Variants in CFAP70 observed in about 807,000 individuals in gnomAD.
CFAP70 encodes cilia and flagella associated protein 70.
A neutral mutation model predicts 137.6 loss-of-function variants in CFAP70; 81 were observed. That is an observed-to-expected ratio of 0.59 (90% confidence interval 0.49 to 0.71). CFAP70 has a LOEUF of 0.71. Ranked by LOEUF, CFAP70 falls within the 30% of genes least tolerant of loss-of-function variation. CFAP70 has a pLI of 0.00. For synonymous variants in CFAP70, 382 were observed against 423.6 expected (o/e 0.90, Z 1.20); for missense variants, 976 against 1,226.7 (o/e 0.80, Z 3.05).
intron 12 of CFAP70, among the ~76,000 whole-genome samples, chr10:73,307,067 TAAC>T (rs1225321746): frequency 6.6e-6 from 1 of 152,128 alleles, no homozygotes; most frequent in Non-Finnish European, 1.5e-5. Flanking sequence ...TCTGTGACAA[TAAC>T]AATGTAACGG....
intron 26 of CFAP70, 36 bp downstream of exon 27, chr10:73,256,333 T>C (rs1564734939): frequency 6.2e-7 from 1 of 1,613,098 alleles, no homozygotes; most frequent in Non-Finnish European, 8.5e-7. Flanking sequence ...ACCCTTAACA[T>C]GGGGCAGGCA....
intron 23 of CFAP70, 93 bp downstream of exon 24, chr10:73,274,340 A>G: frequency 7.5e-7 from 1 of 1,340,562 alleles, no homozygotes; most frequent in Non-Finnish European, 1.0e-6. Flanking sequence ...TCATTATTAT[A>G]TTACTAGTTT....
At chr10:73,291,191 A>G in intron 19 of CFAP70, 35 bp downstream of exon 20, 1 of 1,597,452 alleles carries the variant, frequency 6.3e-7, no homozygotes, top group Non-Finnish European at 8.6e-7. Flanking sequence ...TAATTTTTCT[A>G]ATAGCCACTC....
At position 73,353,546 on chromosome 10, in the gene CFAP70, A is replaced by G. The variant is rs1301628601; in HGVS notation, c.250+10T>C. On this transcript the variant is annotated intron_variant, in intron 3 of 26. Transcript: ENST00000310715. ...TCGGGACATTGATTTTTAGAACCAC[A>G]AGGACTTACAGAACACAGGTTTGTG... is the stretch of plus-strand genomic sequence containing the variant. 6.2e-7 allele frequency: 1 copy of G among 1,610,274 alleles called. No individual in the cohort carries two copies.
chr10:73,291,653 G>C (rs984714689), exon 18 of CFAP70: 2 of 1,613,186 alleles, frequency 1.2e-6, no homozygotes, highest in Admixed American at 3.3e-5. Context: ...GTAAAGTCCA[G>C]GCTACAACAT....
rs540331292 is a variant in CFAP70, at chr10:73,262,532, G to T, written c.3028-6116C>A. On this transcript the variant is annotated intron_variant, in intron 25 of 26. Coordinates refer to ENST00000310715, the Ensembl canonical transcript of CFAP70. ...AGGTGAAAGCTCTTGACTTAATCAG[G>T]AAAGAAAAAAAATGTATGCTGAGGT... Among the ~76,000 whole-genome samples, 22 of 151,748 alleles carry T rather than the reference G, an allele frequency of 1.4e-4. 1 individual carries two copies. In the South Asian group the frequency reaches 4.6e-3, roughly 32 times the overall value.
At chr10:73,256,738 A>G (rs1277207085) in intron 25 of CFAP70, among the ~76,000 whole-genome samples, 1 of 151,690 alleles carries the variant, frequency 6.6e-6, no homozygotes, top group Non-Finnish European at 1.5e-5. Context: ...CCCGTCTCTA[A>G]TAAAAATACA....
intron 6 of CFAP70, 115 bp downstream of exon 7, chr10:73,341,284 C>T: frequency 3.3e-6 from 3 of 896,008 alleles, no homozygotes; most frequent in Non-Finnish European, 5.0e-6. Flanking sequence ...TTTATTTTGG[C>T]ATGTAAGTAT....
At position 73,330,223 on chromosome 10, in the gene CFAP70, G is replaced by A. The variant is rs186864488; in HGVS notation, c.777+954C>T. Among the ~76,000 whole-genome samples the A allele has an allele frequency of 2.0e-3, 307 of 152,050 alleles. 2 individuals are homozygous for A. The highest frequency in any genetic ancestry group is 6.6e-3 in the African/African-American group (272 of 41,464). ...TCCCAGCACTTTGGGAGGCTGAGGC[G>A]GGTGGATCATGAGGTCAGGAGTTCG... On this transcript the variant is annotated intron_variant, in intron 8 of 26. Transcript: ENST00000310715.
In CFAP70 at chr10:73,275,642, T is replaced by C. The variant is rs555016420; in HGVS notation, c.2521-44A>G. Reference sequence around the variant, plus strand: ...TATAAGCAACATATAAATGGCTGCATTGCGTCTTTTTCGGTTGAAGGATTC... The same window carrying C: ...TATAAGCAACATATAAATGGCTGCACTGCGTCTTTTTCGGTTGAAGGATTC... On this transcript the variant is annotated intron_variant, in intron 21 of 26. Coordinates refer to ENST00000310715, the Ensembl canonical transcript of CFAP70. The surrounding 1 kb of genome is among the most constrained non-coding windows in gnomAD (Gnocchi z 4.0). 2.8e-6 allele frequency: 4 copies of C among 1,453,170 alleles called. No individual in the cohort carries two copies. Among genetic ancestry groups the C allele is most frequent in the East Asian group, 5.2e-5 (2 of 38,178 alleles). 90.0% of individuals were successfully genotyped at this position (1,453,170 alleles called of 1,614,324 possible). A position where few individuals can be genotyped will look rare whatever the true frequency, so the allele number is the denominator to read the frequency against.
In CFAP70 at chr10:73,345,170, T is replaced by C. The variant is rs138743903; in HGVS notation, c.350-56A>G. On this transcript the variant is annotated intron_variant, in intron 4 of 26. Transcript: ENST00000310715. Reference sequence around the variant, plus strand: ...AAGCAGCCTCCAACGTGACCTTCAGTAGATTGCCCCCTGAGATCTGGGCTG... The same window carrying C: ...AAGCAGCCTCCAACGTGACCTTCAGCAGATTGCCCCCTGAGATCTGGGCTG... 129 of 1,614,166 alleles carry C rather than the reference T, an allele frequency of 8.0e-5. No individual in the cohort carries two copies. The African/African-American group carries it at 1.2e-3, about 15-fold the overall frequency.
intron 19 of CFAP70, among the ~76,000 whole-genome samples, chr10:73,289,526 C>T (rs971061336): frequency 3.5e-4 from 53 of 151,866 alleles, no homozygotes; most frequent in African/African-American, 1.1e-3. Flanking sequence ...CCTTGTGATC[C>T]GCCTGCCTCG....
intron 25 of CFAP70, among the ~76,000 whole-genome samples, chr10:73,265,545 C>T (rs551297294): frequency 2.6e-5 from 4 of 152,180 alleles, no homozygotes; most frequent in Admixed American, 2.6e-4. Flanking sequence ...AGACATTCTC[C>T]CATGTTTAAT....
chr10:73,297,251 T>C, intron 14 of CFAP70, 78 bp from the exon 16 acceptor site: 2 of 1,463,444 alleles, frequency 1.4e-6, no homozygotes, highest in Non-Finnish European at 1.8e-6. Context: ...TAGGGCTTTC[T>C]GGTCTAAAGC....
chr10:73,271,032 A>G (rs1392034626), intron 24 of CFAP70, among the ~76,000 whole-genome samples: 1 of 152,058 alleles, frequency 6.6e-6, no homozygotes, highest in Non-Finnish European at 1.5e-5. Context: ...AAAAAATAAA[A>G]TCCCGTAGTC....
chr10:73,340,798 G>T (rs1465422374), intron 6 of CFAP70, among the ~76,000 whole-genome samples: 1 of 152,220 alleles, frequency 6.6e-6, no homozygotes, highest in Non-Finnish European at 1.5e-5. Context: ...ATTGGAGCAG[G>T]CACCAGGAGT....
At chr10:73,279,841 C>T (rs1371250905) in intron 19 of CFAP70, among the ~76,000 whole-genome samples, 1 of 151,230 alleles carries the variant, frequency 6.6e-6, no homozygotes, top group African/African-American at 2.4e-5. Flanking sequence ...CTGGGTAACA[C>T]AGCGAGACTC....
intron 1 of CFAP70, among the ~76,000 whole-genome samples, chr10:73,355,798 T>C (rs2054632133): frequency 6.6e-6 from 1 of 152,114 alleles, no homozygotes; most frequent in Non-Finnish European, 1.5e-5. Flanking sequence ...TTTCATTATA[T>C]ATTACCGTGT....
chr10:73,343,196 C>T (rs1236890768), intron 5 of CFAP70, among the ~76,000 whole-genome samples: 39 of 133,378 alleles, frequency 2.9e-4, no homozygotes, highest in Admixed American at 2.5e-3. Flanking sequence ...GGTGACAGAG[C>T]GAGATTCCGT....
Sources: allele counts gnomAD v4.1 joint callset (sites outside exome capture counted in the v4.1 genomes callset), GRCh38; gene constraint gnomAD v4.1.1; non-coding constraint Gnocchi (gnomAD v3.1); transcripts MANE v1.5; gene names NCBI Gene and HGNC (gene_info 2026-07-23, HGNC 2026-07-21).